Variants in MTHFS observed in about 807,000 individuals in gnomAD.
The protein encoded by MTHFS is 5-formyltetrahydrofolate cyclo-ligase.
In MTHFS, 7 loss-of-function variants were observed where a neutral mutation model predicts 12.7. The ratio of observed to expected loss-of-function variants is 0.55; its 90% CI spans 0.31 to 1.03. The LOEUF (loss-of-function observed/expected upper bound fraction) is 1.03. MTHFS is among the 50% of genes least tolerant of loss of function. The pLI is 0.05. For missense variants in MTHFS, 252 were observed against 258.1 expected, an observed-to-expected ratio of 0.98 and a Z score of 0.16; for synonymous variants, 100 against 97.1, an observed-to-expected ratio of 1.03 and a Z score of -0.18.
At chr15:79,879,017 T>C (rs1234404358) in intron 2 of MTHFS, among the ~76,000 whole-genome samples, 1 of 152,104 alleles carries the variant, frequency 6.6e-6, no homozygotes, top group African/African-American at 2.4e-5. Context: ...AAATAAAAGA[T>C]GTAATCCCTC....
chr15:79,896,478 T>C (rs927605455), intron 1 of MTHFS, among the ~76,000 whole-genome samples: 1 of 152,208 alleles, frequency 6.6e-6, no homozygotes, highest in African/African-American at 2.4e-5. Context: ...ACCTGGGCAC[T>C]CAGGTGTTCA....
chr15:79,866,954 TG>T (rs2034022685), intron 2 of MTHFS, among the ~76,000 whole-genome samples: 1 of 151,412 alleles, frequency 6.6e-6, no homozygotes, highest in African/African-American at 2.4e-5. Context: ...CACTCCAGCC[TG>T]GACAGCAGAG....
At position 79,845,230 on chromosome 15, in the gene MTHFS, C is replaced by T. The variant is rs142334286; in HGVS notation, c.592G>A (p.Glu198Lys). Residue 198 changes from glutamate (E) to lysine (K), a missense_variant, in exon 3 of 3, where the codon GAA (glutamate) becomes AAA (lysine). Glu to Lys is a moderately conservative substitution (Grantham distance 56). Transcript: ENST00000258874. ...CAGATTTAAGCTGTTGACGAGTCTT[C>T]GTAAAGGACTTCATCTACCTTCATG... ...NDMKVDEVLY[E>K]DSSTA 2.5e-4 allele frequency: 409 copies of T among 1,614,048 alleles called. No individual in the cohort carries two copies. The highest frequency in any genetic ancestry group is 2.5e-4 in the East Asian group (11 of 44,892).
At chr15:79,850,408 A>G (rs1184467781) in intron 2 of MTHFS, among the ~76,000 whole-genome samples, 1 of 152,236 alleles carries the variant, frequency 6.6e-6, no homozygotes, top group African/African-American at 2.4e-5. Flanking sequence ...AAAAGACCAG[A>G]GAGTAAATAA....
intron 2 of MTHFS, among the ~76,000 whole-genome samples, chr15:79,863,375 C>A: frequency 6.6e-6 from 1 of 152,158 alleles, no homozygotes; most frequent in African/African-American, 2.4e-5. Context: ...ATAACTAACT[C>A]CCAGCACCTA....
chr15:79,860,132 G>A (rs1193167537), intron 2 of MTHFS, among the ~76,000 whole-genome samples: 1 of 152,168 alleles, frequency 6.6e-6, no homozygotes, highest in Non-Finnish European at 1.5e-5. Context: ...GCTCACGCCT[G>A]TAATCCTAGC....
At chr15:79,852,867 T>C (rs1180823960) in intron 2 of MTHFS, among the ~76,000 whole-genome samples, 3 of 152,210 alleles carry the variant, frequency 2.0e-5, no homozygotes, top group Non-Finnish European at 1.5e-5. Context: ...CTCAATCTTA[T>C]GAACACTATG....
At chr15:79,892,948 T>TA (rs1029652847) in intron 1 of MTHFS, among the ~76,000 whole-genome samples, 2 of 150,984 alleles carry the variant, frequency 1.3e-5, no homozygotes, top group African/African-American at 2.4e-5. Context: ...AGACTCCATC[T>TA]AAAAAAAAAT....
intron 2 of MTHFS, among the ~76,000 whole-genome samples, chr15:79,861,868 T>G (rs2033920582): frequency 6.6e-6 from 1 of 152,246 alleles, no homozygotes; most frequent in African/African-American, 2.4e-5. Flanking sequence ...GTATAAATTT[T>G]TTAAAAGGAT....
At chr15:79,883,807 G>C (rs979971131) in intron 2 of MTHFS, among the ~76,000 whole-genome samples, 1 of 152,174 alleles carries the variant, frequency 6.6e-6, no homozygotes, top group Non-Finnish European at 1.5e-5. Flanking sequence ...CTGCCCAAGT[G>C]GTAAAGGCCA....
At chr15:79,879,370 C>G (rs1278098865) in intron 2 of MTHFS, among the ~76,000 whole-genome samples, 3 of 144,094 alleles carry the variant, frequency 2.1e-5, no homozygotes, top group African/African-American at 7.8e-5. Flanking sequence ...CTCTGTCCCC[C>G]AGGCTGGAGT....
At chr15:79,874,898 G>C (rs2034164092) in intron 2 of MTHFS, among the ~76,000 whole-genome samples, 1 of 152,054 alleles carries the variant, frequency 6.6e-6, no homozygotes, top group African/African-American at 2.4e-5. Context: ...CTGTTATCCT[G>C]TTCTTTTTTC....
intron 1 of MTHFS, among the ~76,000 whole-genome samples, chr15:79,891,346 G>A (rs980046112): frequency 2.0e-5 from 3 of 151,714 alleles, no homozygotes; most frequent in Admixed American, 6.6e-5. Flanking sequence ...GAAGGATGGG[G>A]AAAAAAATAA....
intron 1 of MTHFS, among the ~76,000 whole-genome samples, chr15:79,894,116 G>C (rs914546007): frequency 5.9e-5 from 9 of 152,220 alleles, no homozygotes; most frequent in Non-Finnish European, 1.2e-4. Flanking sequence ...CAGGCACAGT[G>C]GCTCACGCCT....
intron 2 of MTHFS, among the ~76,000 whole-genome samples, chr15:79,887,331 C>T (rs1333361241): frequency 6.6e-6 from 1 of 152,204 alleles, no homozygotes; most frequent in East Asian, 1.9e-4. Context: ...AATAATGCTT[C>T]TTCCTTACTC....
intron 1 of MTHFS, among the ~76,000 whole-genome samples, chr15:79,894,657 C>A (rs2034535618): frequency 6.6e-6 from 1 of 152,136 alleles, no homozygotes; most frequent in African/African-American, 2.4e-5. Flanking sequence ...AAACTGAATT[C>A]ATCTTTATTT....
In MTHFS at chr15:79,843,970, G is replaced by A. The variant is rs1312694254; in HGVS notation, c.*1240C>T. Reference sequence around the variant, plus strand: ...ACAGAAAGAGCATTTCAGACAGAGAGAAATGCATGCTTACTATGTGCAAAG... The same window carrying A: ...ACAGAAAGAGCATTTCAGACAGAGAAAAATGCATGCTTACTATGTGCAAAG... On this transcript the variant is annotated 3_prime_UTR_variant, in exon 3 of 3. Transcript: ENST00000258874. 1 of 152,254 alleles carries A rather than the reference G, an allele frequency of 6.6e-6. No individual in the cohort carries two copies. The highest frequency in any genetic ancestry group is 1.5e-5 in the Non-Finnish European group (1 of 68,060). The allele number at this position is 152,254 out of a possible 1,614,324, so 9.4% of individuals were successfully genotyped here. A position where few individuals can be genotyped will look rare whatever the true frequency, so the allele number is the denominator to read the frequency against.
chr15:79,856,612 A>G (rs1311335056), intron 2 of MTHFS, among the ~76,000 whole-genome samples: 1 of 152,190 alleles, frequency 6.6e-6, no homozygotes, highest in Non-Finnish European at 1.5e-5. Context: ...AGGCTGAAGA[A>G]AGGGGGGAAA....
rs2034434349 is a variant in MTHFS, at chr15:79,889,368, T to C, written c.118-14A>G. 1.2e-6 allele frequency: 2 copies of C among 1,608,416 alleles called. No individual in the cohort carries two copies. The highest frequency in any genetic ancestry group is 2.7e-5 in the African/African-American group (2 of 74,626). Reference sequence around the variant, plus strand: ...GTGGGCAATCACCTAAATGGGAAATTATGGCAATTATATTTTCCAAGACTA... The same window carrying C: ...GTGGGCAATCACCTAAATGGGAAATCATGGCAATTATATTTTCCAAGACTA... On this transcript the variant is annotated splice_polypyrimidine_tract_variant and intron_variant, in intron 1 of 2. Coordinates refer to ENST00000258874, the MANE Select transcript of MTHFS (RefSeq NM_006441.4).
Sources: gnomAD v4.1 joint callset for allele counts (sites outside exome capture counted in the v4.1 genomes callset) on GRCh38, gnomAD v4.1.1 for gene constraint, MANE v1.5 for transcripts, NCBI Gene and HGNC (gene_info 2026-07-23, HGNC 2026-07-21) for gene names.